Variants in PRDM10 observed in about 807,000 individuals in gnomAD.
PRDM10 encodes the protein PR domain zinc finger protein 10.
Under a neutral mutation model 133.1 loss-of-function variants are expected in PRDM10, and 65 were observed. The ratio of observed to expected loss-of-function variants is 0.49; its 90% CI spans 0.40 to 0.60. The LOEUF is 0.60. Ranked by LOEUF, PRDM10 falls within the 20% of genes least tolerant of loss-of-function variation. The pLI is 0.00. For synonymous variants in PRDM10, 582 were observed against 580.4 expected, an observed-to-expected ratio of 1.00 and a Z score of -0.04; for missense variants, 1,137 against 1,507.1, an observed-to-expected ratio of 0.75 and a Z score of 4.07.
In PRDM10 at chr11:129,947,743, G is replaced by A; in HGVS notation, c.295-373C>T. 3 of 396,686 alleles carry A rather than the reference G, an allele frequency of 7.6e-6. No individual in the cohort carries two copies. The highest frequency in any genetic ancestry group is 1.4e-5 in the Non-Finnish European group (3 of 213,896). 24.6% of individuals were successfully genotyped at this position (396,686 alleles called of 1,614,324 possible). A position where few individuals can be genotyped will look rare whatever the true frequency, so the allele number is the denominator to read the frequency against. On this transcript the variant is annotated intron_variant, in intron 4 of 20. Transcript: ENST00000360871. This position sits in a 1 kb window ranked among gnomAD's most constrained non-coding sequence, Gnocchi z 4.6. ...CTTAATAAAACCTGGTCTCTTCCTGGCTCATTCAGCCGTTTCACACTGCTT... is the reference window on the plus strand; with the variant it reads ...CTTAATAAAACCTGGTCTCTTCCTGACTCATTCAGCCGTTTCACACTGCTT...
rs553418175 is a variant in PRDM10, at chr11:129,905,829, G to A, written c.3164-88C>T. The A allele has an allele frequency of 7.2e-5, 76 of 1,062,442 alleles. No homozygotes were observed. In the Middle Eastern group the frequency reaches 8.1e-4, roughly 11 times the overall value. 65.8% of individuals were successfully genotyped at this position (1,062,442 alleles called of 1,614,324 possible). A position where few individuals can be genotyped will look rare whatever the true frequency, so the allele number is the denominator to read the frequency against. On this transcript the variant is annotated intron_variant, in intron 19 of 20. Transcript: ENST00000360871. The stretch of plus-strand genomic sequence containing the variant: ...AAAACATAACCAGTAGCCACAGTCC[G>A]CACTGATTTGCTTGCCATGAGAGTC...
chr11:129,914,394 C>T, intron 17 of PRDM10: 1 of 444,514 alleles, frequency 2.2e-6, no homozygotes. Flanking sequence ...AAGCAGCCAA[C>T]CAGGATGGTT....
At chr11:129,988,661 G>A (rs2004096) in intron 1 of PRDM10, among the ~76,000 whole-genome samples, 5,306 of 151,088 alleles carry the variant, frequency 0.035, 194 homozygotes, top group East Asian at 0.17. Flanking sequence ...ACGGAATCTC[G>A]CTCTGTTGCC....
chr11:129,907,137 A>T (rs531364502), intron 19 of PRDM10, among the ~76,000 whole-genome samples: 4 of 152,338 alleles, frequency 2.6e-5, no homozygotes, highest in Non-Finnish European at 4.4e-5. Flanking sequence ...GCTATGAAGT[A>T]TCAGGAGGAA....
chr11:129,991,616 C>T lies in PRDM10; in HGVS notation c.-119+11106G>A, dbSNP rs182531908. Among the ~76,000 whole-genome samples the T allele has an allele frequency of 2.7e-3, 417 of 152,106 alleles. 1 individual carries two copies. The highest frequency in any genetic ancestry group is 9.3e-3 in the African/African-American group (385 of 41,514). On this transcript the variant is annotated intron_variant, in intron 1 of 20. Coordinates refer to ENST00000360871, the MANE Select transcript of PRDM10 (RefSeq NM_199437.2). ...GGTGGATCACCTGAGGTCAGGAGTT[C>T]GAGACCATCCTGGCCAACATGGTGA...
intron 1 of PRDM10, among the ~76,000 whole-genome samples, chr11:129,991,427 T>C (rs1472372916): frequency 6.6e-6 from 1 of 152,160 alleles, no homozygotes; most frequent in Non-Finnish European, 1.5e-5. Flanking sequence ...CTCACACCTG[T>C]AATCCCCGCA....
intron 19 of PRDM10, 134 bp from the exon 20 acceptor site, chr11:129,905,875 G>T: frequency 1.3e-6 from 1 of 761,770 alleles, no homozygotes; most frequent in Admixed American, 2.2e-5. Flanking sequence ...GTGATTTCTT[G>T]GTGCCGTGAA....
At chr11:129,960,526 T>C (rs1951776327) in intron 2 of PRDM10, among the ~76,000 whole-genome samples, 2 of 152,232 alleles carry the variant, frequency 1.3e-5, no homozygotes, top group African/African-American at 4.8e-5. Context: ...ACTCACTTTA[T>C]AGACATACCT....
chr11:129,949,948 A>G (rs1951539851), intron 4 of PRDM10, among the ~76,000 whole-genome samples: 1 of 105,166 alleles, frequency 9.5e-6, no homozygotes, highest in African/African-American at 3.8e-5. Context: ...ACCCCCCAAA[A>G]AAAGAGGCCA....
intron 8 of PRDM10, 71 bp from the exon 9 acceptor site, chr11:129,935,289 TC>T: frequency 9.3e-7 from 1 of 1,076,916 alleles, no homozygotes; most frequent in Non-Finnish European, 1.4e-6. Context: ...AAGTCTGCGA[TC>T]CCCACCATTC....
In PRDM10 at chr11:129,960,899, T is replaced by C. The variant is rs1951783278; in HGVS notation, c.66A>G (p.Ala22=). ...PTSAEHEQNA[A]QVHFVPDTGT... ...GCTGGAAAAGACCAGTCTTCACCTG[T>C]GCGGCATTCTGTTCATGCTCTGCAG... Residue 22 remains alanine (A), a synonymous_variant, in exon 2 of 21, where the codon GCA becomes GCG. Transcript: ENST00000360871. 6.2e-7 allele frequency: 1 copy of C among 1,614,140 alleles called. No individual in the cohort carries two copies.
intron 1 of PRDM10, among the ~76,000 whole-genome samples, chr11:129,968,878 G>A (rs1951959355): frequency 6.6e-6 from 1 of 152,148 alleles, no homozygotes. Context: ...CATAGCAAAC[G>A]ATGAGTGCAA....
chr11:129,908,342 C>T (rs891472755), intron 19 of PRDM10, among the ~76,000 whole-genome samples: 2 of 152,134 alleles, frequency 1.3e-5, no homozygotes, highest in African/African-American at 4.8e-5. Flanking sequence ...CACGTGGTGG[C>T]TCACATCTGT....
chr11:129,918,528 T>C lies in PRDM10; in HGVS notation c.2214+11A>G, dbSNP rs112353255. On this transcript the variant is annotated intron_variant, in intron 14 of 20. Coordinates refer to ENST00000360871, the MANE Select transcript of PRDM10 (RefSeq NM_199437.2). The surrounding 1 kb of genome is among the most constrained non-coding windows in gnomAD (Gnocchi z 5.3). ...GGAAGACAGAGGAACCCGCAGCCAC[T>C]GGGCACTGACCAGCATGCCGCGCCG... 1.2e-5 allele frequency: 19 copies of C among 1,611,336 alleles called. No homozygotes were observed. The African/African-American group carries it at 1.7e-4, about 15-fold the overall frequency.
intron 13 of PRDM10, among the ~76,000 whole-genome samples, chr11:129,920,005 G>C (rs1220190360): frequency 1.3e-5 from 2 of 152,178 alleles, no homozygotes; most frequent in Non-Finnish European, 2.9e-5. Flanking sequence ...TAAGGACACT[G>C]CCCTACGTGA....
chr11:130,000,260 T>A (rs1591714927), intron 1 of PRDM10, among the ~76,000 whole-genome samples: 1 of 152,144 alleles, frequency 6.6e-6, no homozygotes, highest in African/African-American at 2.4e-5. Flanking sequence ...GCCAGGCTAG[T>A]CTCGAACTCC....
Position 129,899,851 on chromosome 11 carries a change from AT to A in PRDM10, c.*2461del, listed in dbSNP as rs1344673062. ...ATTTAAATAACAGGATAGGGTCAAC[AT>A]TTTCAACCAGTGGGTCAGCTTTAGC... is the stretch of plus-strand genomic sequence containing the variant. On this transcript the variant is annotated 3_prime_UTR_variant, in exon 21 of 21. Coordinates refer to ENST00000360871, the MANE Select transcript of PRDM10 (RefSeq NM_199437.2). The A allele has an allele frequency of 6.6e-6, 1 of 152,652 alleles. No individual in the cohort carries two copies. The highest frequency in any genetic ancestry group is 2.4e-5 in the African/African-American group (1 of 41,458). The allele number at this position is 152,652 out of a possible 1,614,324, so 9.5% of individuals were successfully genotyped here. A position where few individuals can be genotyped will look rare whatever the true frequency, so the allele number is the denominator to read the frequency against.
At chr11:129,991,931 C>T (rs1453027847) in intron 1 of PRDM10, among the ~76,000 whole-genome samples, 1 of 151,866 alleles carries the variant, frequency 6.6e-6, no homozygotes, top group African/African-American at 2.4e-5. Context: ...GCAGAGGTTG[C>T]GGCGAGCCAA....
chr11:129,932,723 C>T (rs1472527525), intron 9 of PRDM10, among the ~76,000 whole-genome samples: 1 of 152,166 alleles, frequency 6.6e-6, no homozygotes, highest in African/African-American at 2.4e-5. Context: ...TCATAACATG[C>T]CTAGTAAACA....
Sources: gnomAD v4.1 joint callset for allele counts (sites outside exome capture counted in the v4.1 genomes callset) on GRCh38, gnomAD v4.1.1 for gene constraint, Gnocchi (gnomAD v3.1) non-coding constraint, MANE v1.5 for transcripts, NCBI Gene and HGNC (gene_info 2026-07-23, HGNC 2026-07-21) for gene names.